STK32C: variants seen among roughly 807,000 people sequenced by gnomAD.
The protein encoded by STK32C is serine/threonine kinase 32C.
Under a neutral mutation model 56.5 loss-of-function variants are expected in STK32C, and 31 were observed. That is an observed-to-expected ratio of 0.55 (90% CI 0.41 to 0.74). The LOEUF (loss-of-function observed/expected upper bound fraction) is 0.74. STK32C is among the 30% of genes least tolerant of loss of function. The pLI, the probability that STK32C is intolerant of heterozygous loss-of-function variation, is 0.00. For missense variants in STK32C, 544 were observed against 676.9 expected (o/e 0.80, Z 2.18); for synonymous variants, 309 against 289.4 (o/e 1.07, Z -0.69).
Position 132,224,530 on chromosome 10 carries a change from A to G in STK32C, c.877-7T>C. 6.3e-7 allele frequency: 1 copy of G among 1,588,220 alleles called. No individual in the cohort carries two copies. The highest frequency in any genetic ancestry group is 8.6e-7 in the Non-Finnish European group (1 of 1,167,564). On this transcript the variant is annotated splice_region_variant and splice_polypyrimidine_tract_variant and intron_variant, in intron 7 of 11. Coordinates refer to ENST00000298630, the MANE Select transcript of STK32C (RefSeq NM_173575.4). ...AGTGGATGTCATAGGGCCTCTGGAG[A>G]CAGGGAGGCAGTGCTGGGCAGGTCC... is the stretch of plus-strand genomic sequence containing the variant.
At chr10:132,283,376 C>T (rs773645279) in intron 1 of STK32C, among the ~76,000 whole-genome samples, 2 of 152,248 alleles carry the variant, frequency 1.3e-5, no homozygotes, top group Non-Finnish European at 2.9e-5. Flanking sequence ...GTTGGCAGAA[C>T]GCAGACGAGG....
At chr10:132,240,718 G>T (rs894642480) in intron 2 of STK32C, among the ~76,000 whole-genome samples, 5 of 152,160 alleles carry the variant, frequency 3.3e-5, no homozygotes, top group African/African-American at 9.7e-5. Context: ...CTCGGACAGG[G>T]GGATGGCCTG....
chr10:132,259,931 G>A (rs1478689659), intron 1 of STK32C, among the ~76,000 whole-genome samples: 3 of 152,208 alleles, frequency 2.0e-5, no homozygotes, highest in Non-Finnish European at 2.9e-5. Flanking sequence ...ATCGGGCTTC[G>A]CAGGGCAGGG....
At chr10:132,315,727 G>A (rs537821120) in intron 1 of STK32C, among the ~76,000 whole-genome samples, 8 of 152,252 alleles carry the variant, frequency 5.3e-5, no homozygotes, top group Non-Finnish European at 7.3e-5. Flanking sequence ...TGACCTGATC[G>A]ACATCTATAG....
intron 1 of STK32C, chr10:132,249,139 C>A (rs930008541): frequency 1.5e-4 from 47 of 323,362 alleles, no homozygotes; most frequent in South Asian, 7.4e-4. Context: ...GGCGTCAGGG[C>A]GTGCAGGGGG....
chr10:132,291,553 C>T (rs951257400), intron 1 of STK32C, among the ~76,000 whole-genome samples: 1 of 152,180 alleles, frequency 6.6e-6, no homozygotes, highest in South Asian at 2.1e-4. Flanking sequence ...GATGCCAGCC[C>T]GCCCAATGGA....
rs145250997 is a variant in STK32C, at chr10:132,304,321, C to G, written c.262+3251G>C. Among the ~76,000 whole-genome samples the G allele has an allele frequency of 3.6e-3, 541 of 152,230 alleles. 2 individuals carry two copies. Among genetic ancestry groups the G allele is most frequent in the African/African-American group, 0.013 (520 of 41,522 alleles). ...AAAAAGCCTGAGCCCCTGAGCCCCACCCCCAACCCACCAAACCCCCCCAGT... is the reference window on the plus strand; with the variant it reads ...AAAAAGCCTGAGCCCCTGAGCCCCAGCCCCAACCCACCAAACCCCCCCAGT... On this transcript the variant is annotated intron_variant, in intron 1 of 11. Transcript: ENST00000298630.
chr10:132,273,155 A>C (rs1035574481), intron 1 of STK32C, among the ~76,000 whole-genome samples: 5 of 152,184 alleles, frequency 3.3e-5, no homozygotes, highest in African/African-American at 1.2e-4. Flanking sequence ...AGCTTCACAC[A>C]AATCAGTTCC....
chr10:132,239,604 T>C (rs771916786), intron 2 of STK32C, among the ~76,000 whole-genome samples: 17 of 152,216 alleles, frequency 1.1e-4, no homozygotes, highest in Admixed American at 2.0e-4. Context: ...CCAGAGCCTG[T>C]GCTGCTGGAA....
At chr10:132,285,206 C>T (rs2065365123) in intron 1 of STK32C, among the ~76,000 whole-genome samples, 1 of 152,238 alleles carries the variant, frequency 6.6e-6, no homozygotes, top group Non-Finnish European at 1.5e-5. Context: ...GCCCAAAGAC[C>T]AGGCATGAAC....
At chr10:132,313,502 G>A (rs963102103) in intron 1 of STK32C, among the ~76,000 whole-genome samples, 6 of 152,256 alleles carry the variant, frequency 3.9e-5, no homozygotes, top group Non-Finnish European at 5.9e-5. Flanking sequence ...GAGGGAGACG[G>A]GAACCCAGTG....
chr10:132,307,977 G>T, upstream of STK32C: 4 of 994,912 alleles, frequency 4.0e-6, no homozygotes, highest in South Asian at 1.7e-4. The surrounding 1 kb of genome is among the most constrained non-coding windows in gnomAD (Gnocchi z 4.4). Flanking sequence ...CCCGTAGATT[G>T]CGAGCGCTGG....
rs534719693 is a variant in STK32C at position 132,299,288 on chromosome 10, C to A, written c.262+8284G>T. 3.3e-5 allele frequency among the ~76,000 whole-genome samples: 5 copies of A among 151,556 alleles called. No individual in the cohort carries two copies. The East Asian group carries it at 9.7e-4, about 29-fold the overall frequency. Reference sequence around the variant, plus strand: ...TCCACCAGCCAACAGTGGACTGAGACCCCAGCAGCATGGATAGCTGATCCA... The same window carrying A: ...TCCACCAGCCAACAGTGGACTGAGAACCCAGCAGCATGGATAGCTGATCCA... On this transcript the variant is annotated intron_variant, in intron 1 of 11. Transcript: ENST00000298630.
chr10:132,306,165 C>T (rs2066052847), intron 1 of STK32C, among the ~76,000 whole-genome samples: 1 of 152,182 alleles, frequency 6.6e-6, no homozygotes, highest in South Asian at 2.1e-4. Context: ...TCCACTCCCA[C>T]CCCCGGAGAG....
rs186393435 is a variant in STK32C at position 132,324,039 on chromosome 10, C to T, written c.*195G>A. 4.4e-5 allele frequency: 26 copies of T among 590,110 alleles called. No homozygotes were observed. In the African/African-American group the frequency reaches 4.6e-4, roughly 11 times the overall value. The allele number at this position is 590,110 out of a possible 1,614,324, so 36.6% of individuals were successfully genotyped here. On this transcript the variant is annotated 3_prime_UTR_variant, in exon 2 of 2. Coordinates refer to the STK32C transcript ENST00000368619. ...AGAGCAGCATTAATCTCTTAATGGC[C>T]TAACCACACCTTAAACCCCACCTCC...
At chr10:132,329,456 C>A (rs931123133) in intron 1 of STK32C, among the ~76,000 whole-genome samples, 1 of 152,002 alleles carries the variant, frequency 6.6e-6, no homozygotes, top group African/African-American at 2.4e-5. Flanking sequence ...TTGGGATTCT[C>A]ATGGTAGATA....
intron 1 of STK32C, among the ~76,000 whole-genome samples, chr10:132,271,963 C>T (rs1415656778): frequency 2.6e-5 from 4 of 152,182 alleles, no homozygotes; most frequent in Non-Finnish European, 5.9e-5. Context: ...TGTGTGCTGG[C>T]GGGGCAAGGC....
Position 132,307,910 on chromosome 10 carries a change from G to A in STK32C, c.-77C>T, listed in dbSNP as rs961512254. ...CAGGGCCGGGAGCGGCAGTGGTAGCGGGAGCGCTCGGGGCCGGCAGCGCCC... is the reference window on the plus strand; with the variant it reads ...CAGGGCCGGGAGCGGCAGTGGTAGCAGGAGCGCTCGGGGCCGGCAGCGCCC... On this transcript the variant is annotated 5_prime_UTR_variant, in exon 1 of 12. Coordinates refer to ENST00000298630, the MANE Select transcript of STK32C (RefSeq NM_173575.4). The surrounding 1 kb of genome is among the most constrained non-coding windows in gnomAD (Gnocchi z 4.4). 7.5e-5 allele frequency: 83 copies of A among 1,102,238 alleles called. No individual in the cohort carries two copies. The highest frequency in any genetic ancestry group is 9.5e-5 in the East Asian group (1 of 10,528). 68.3% of individuals were successfully genotyped at this position (1,102,238 alleles called of 1,614,324 possible). A position where few individuals can be genotyped will look rare whatever the true frequency, so the allele number is the denominator to read the frequency against.
rs1049693142 is a variant in STK32C, at chr10:132,307,765, G to T, written c.69C>A (p.Arg23=). 2.5e-4 allele frequency: 250 copies of T among 1,000,818 alleles called. No homozygotes were observed. The African/African-American group carries it at 4.1e-3, about 16-fold the overall frequency. The allele number at this position is 1,000,818 out of a possible 1,614,324, so 62.0% of individuals were successfully genotyped here. A position where few individuals can be genotyped will look rare whatever the true frequency, so the allele number is the denominator to read the frequency against. Residue 23 remains arginine (R), a synonymous_variant, in exon 1 of 12, where the codon CGC becomes CGA. Transcript: ENST00000298630. The surrounding 1 kb of genome is among the most constrained non-coding windows in gnomAD (Gnocchi z 4.4). The stretch of plus-strand genomic sequence containing the variant: ...GCGCGTCGGAGCCGGCGGGGCGCGC[G>T]CGGCCGGGGGGCGGCGAGCCCGGGG... ...AASPGSPPPG[R]ARPAGSDAPS... is the part of the protein sequence containing the mutation.
Sources: allele counts gnomAD v4.1 joint callset (sites outside exome capture counted in the v4.1 genomes callset), GRCh38; gene constraint gnomAD v4.1.1; non-coding constraint Gnocchi (gnomAD v3.1); transcripts MANE v1.5; gene names NCBI Gene and HGNC (gene_info 2026-07-23, HGNC 2026-07-21).